The following ANKRD9 variants were observed in gnomAD, a reference collection of about 807,000 sequenced individuals.
The protein encoded by ANKRD9 is ankyrin repeat domain-containing protein 9.
ANKRD9 carries 13 observed loss-of-function variants against 19.2 expected under a neutral mutation model. The observed-to-expected ratio is 0.68, with a 90% confidence interval of 0.44 to 1.08. ANKRD9 has a LOEUF of 1.08. Among genes scored for constraint, ANKRD9 ranks in the 50% least tolerant of loss-of-function variants. ANKRD9 has a pLI of 0.00. For synonymous variants in ANKRD9, 278 were observed against 256.8 expected, an observed-to-expected ratio of 1.08 and a Z score of -0.79; for missense variants, 518 against 499.9, an observed-to-expected ratio of 1.04 and a Z score of -0.34.
chr14:102,507,198 A>G lies in ANKRD9; in HGVS notation c.692T>C (p.Leu231Pro). 1 of 1,314,760 alleles carries G rather than the reference A, an allele frequency of 7.6e-7. No individual in the cohort carries two copies. The highest frequency in any genetic ancestry group is 2.0e-5 in the South Asian group (1 of 50,358). 81.4% of individuals were successfully genotyped at this position (1,314,760 alleles called of 1,614,324 possible). A position where few individuals can be genotyped will look rare whatever the true frequency, so the allele number is the denominator to read the frequency against. Residue 231 changes from leucine (L) to proline (P), a missense_variant, in exon 4 of 4, where the codon CTG becomes CCG. Leu to Pro is a moderately conservative substitution (Grantham distance 98, BLOSUM62 -3). Transcript: ENST00000286918. This position sits in a 1 kb window ranked among gnomAD's most constrained non-coding sequence, Gnocchi z 9.2. ...GGTGTACAGCGCCAGGAGGTCCAGCAGCAGCAGGCGGCGCTGGCGCGGCTC... is the reference window on the plus strand; with the variant it reads ...GGTGTACAGCGCCAGGAGGTCCAGCGGCAGCAGGCGGCGCTGGCGCGGCTC... Reference protein sequence around the residue: ...PGEPRQRRLLLLDLLALYTPV... With the variant: ...PGEPRQRRLLPLDLLALYTPV...
In ANKRD9 at chr14:102,508,339, C is replaced by A. The variant is rs1891680006; in HGVS notation, c.-54+136G>T. 1 of 152,218 alleles carries A rather than the reference C, an allele frequency of 6.6e-6. No individual in the cohort carries two copies. Among genetic ancestry groups the A allele is most frequent in the Non-Finnish European group, 1.5e-5 (1 of 68,092 alleles). 9.4% of individuals were successfully genotyped at this position (152,218 alleles called of 1,614,324 possible). A position where few individuals can be genotyped will look rare whatever the true frequency, so the allele number is the denominator to read the frequency against. On this transcript the variant is annotated intron_variant, in intron 3 of 3. Coordinates refer to ENST00000286918, the MANE Select transcript of ANKRD9 (RefSeq NM_152326.4). The surrounding 1 kb of genome is among the most constrained non-coding windows in gnomAD (Gnocchi z 6.2). The stretch of plus-strand genomic sequence containing the variant: ...AGGGAGGGGATGAGAAAGCTTGGGC[C>A]CACATCTCAAGCTGAGGCAAATCCA...
chr14:102,507,173 G>A lies in ANKRD9; in HGVS notation c.717C>T (p.Thr239=), dbSNP rs1891622584. The A allele has an allele frequency of 7.9e-6, 11 of 1,397,092 alleles. No individual in the cohort carries two copies. The highest frequency in any genetic ancestry group is 3.3e-5 in the Admixed American group (1 of 30,352). 86.5% of individuals were successfully genotyped at this position (1,397,092 alleles called of 1,614,324 possible). A position where few individuals can be genotyped will look rare whatever the true frequency, so the allele number is the denominator to read the frequency against. The change falls in exon 4 of 4, where the codon ACC becomes ACT. Residue 239 remains threonine, a synonymous_variant. Transcript: ENST00000286918. The surrounding 1 kb of genome is among the most constrained non-coding windows in gnomAD (Gnocchi z 9.2). ...GGGCCGAGCCGGCGGCACCCACGGG[G>A]GTGTACAGCGCCAGGAGGTCCAGCA... ...LLLLDLLALY[T]PVGAAGSARQ...
chr14:102,507,466 C>G lies in ANKRD9; in HGVS notation c.424G>C (p.Glu142Gln). Residue 142 changes from glutamate to glutamine, a missense_variant, in exon 4 of 4, where the codon GAG (glutamate) becomes CAG (glutamine). Glu to Gln is a conservative substitution (Grantham distance 29, BLOSUM62 2). Transcript: ENST00000286918. The surrounding 1 kb of genome is among the most constrained non-coding windows in gnomAD (Gnocchi z 9.2). ...ILRTLRDFPA[E>Q]ERARVLDRRG... is the part of the protein sequence containing the mutation. ...CGGTCCAGCACGCGCGCCCGCTCCT[C>G]GGCCGGGAAGTCGCGCAAGGTGCGC... 1 of 1,398,968 alleles carries G rather than the reference C, an allele frequency of 7.1e-7. No homozygotes were observed. Among genetic ancestry groups the G allele is most frequent in the Non-Finnish European group, 9.3e-7 (1 of 1,073,064 alleles). The allele number at this position is 1,398,968 out of a possible 1,614,324, so 86.7% of individuals were successfully genotyped here. A position where few individuals can be genotyped will look rare whatever the true frequency, so the allele number is the denominator to read the frequency against.
rs1891450740 is a variant in ANKRD9, at chr14:102,502,069, C to T, written c.*4867G>A. ...AAACAGCCTGGCATTTGGGAACAGC[C>T]ATGTTAACGTGAGCAAATTCCTCTC... On this transcript the variant is annotated 3_prime_UTR_variant, in exon 4 of 4. Coordinates refer to ENST00000286918, the MANE Select transcript of ANKRD9 (RefSeq NM_152326.4). 6.6e-6 allele frequency: 1 copy of T among 152,268 alleles called. No homozygotes were observed. The highest frequency in any genetic ancestry group is 6.5e-5 in the Admixed American group (1 of 15,284). 9.4% of individuals were successfully genotyped at this position (152,268 alleles called of 1,614,324 possible).
chr14:102,507,047 G>C lies in ANKRD9; in HGVS notation c.843C>G (p.Arg281=). 2 of 1,575,536 alleles carry C rather than the reference G, an allele frequency of 1.3e-6. No individual in the cohort carries two copies. The highest frequency in any genetic ancestry group is 2.3e-5 in the East Asian group (1 of 42,736). Reference sequence around the variant, plus strand: ...TGGCGGTGACCAGCACCTGCATGGCGCGCGCGAAGAGCGAGGGCGGCGCCA... The same window carrying C: ...TGGCGGTGACCAGCACCTGCATGGCCCGCGCGAAGAGCGAGGGCGGCGCCA... The part of the protein sequence containing the change: ...AGLAPPSLFA[R]AMQVLVTAIS... Residue 281 remains arginine (R), a synonymous_variant, in exon 4 of 4, where the codon CGC becomes CGG. Coordinates refer to ENST00000286918, the MANE Select transcript of ANKRD9 (RefSeq NM_152326.4). This position sits in a 1 kb window ranked among gnomAD's most constrained non-coding sequence, Gnocchi z 9.2.
At position 102,507,511 on chromosome 14, in the gene ANKRD9, C is replaced by T. The variant is rs1220013919; in HGVS notation, c.379G>A (p.Gly127Ser). Residue 127 changes from glycine (G) to serine (S), a missense_variant, in exon 4 of 4, where the codon GGC becomes AGC. By Grantham distance (56) the Gly-to-Ser change is moderately conservative. Transcript: ENST00000286918. This position sits in a 1 kb window ranked among gnomAD's most constrained non-coding sequence, Gnocchi z 9.2. ...VALAVRYNRV[G>S]ILRRILRTLR... ...GTGCGCAGGATGCGGCGCAGAATGC[C>T]CACGCGGTTGTAGCGCACTGCCAGC... 3 of 1,366,006 alleles carry T rather than the reference C, an allele frequency of 2.2e-6. No homozygotes were observed. Among genetic ancestry groups the T allele is most frequent in the Non-Finnish European group, 2.8e-6 (3 of 1,058,190 alleles). The allele number at this position is 1,366,006 out of a possible 1,614,324, so 84.6% of individuals were successfully genotyped here. A position where few individuals can be genotyped will look rare whatever the true frequency, so the allele number is the denominator to read the frequency against.
chr14:102,507,519 T>C lies in ANKRD9; in HGVS notation c.371A>G (p.Asn124Ser). ...GATGCGGCGCAGAATGCCCACGCGG[T>C]TGTAGCGCACTGCCAGCGCCACGTG... ...GPHVALAVRY[N>S]RVGILRRILR... Residue 124 changes from asparagine to serine, a missense_variant, in exon 4 of 4, where the codon AAC becomes AGC. Coordinates refer to ENST00000286918, the MANE Select transcript of ANKRD9 (RefSeq NM_152326.4). This position sits in a 1 kb window ranked among gnomAD's most constrained non-coding sequence, Gnocchi z 9.2. 7.4e-7 allele frequency: 1 copy of C among 1,356,278 alleles called. No homozygotes were observed. Among genetic ancestry groups the C allele is most frequent in the East Asian group, 3.4e-5 (1 of 29,200 alleles). The allele number at this position is 1,356,278 out of a possible 1,614,324, so 84.0% of individuals were successfully genotyped here.
Position 102,507,338 on chromosome 14 carries a change from C to T in ANKRD9, c.552G>A (p.Ser184=), listed in dbSNP as rs1891634333. The part of the protein sequence containing the change: ...CLFLLLGHGA[S]PGLRDGGGLT... Reference sequence around the variant, plus strand: ...GGCCGCCGCCGTCCCGCAGACCGGGCGAGGCGCCGTGGCCCAGCAGCAGGA... The same window carrying T: ...GGCCGCCGCCGTCCCGCAGACCGGGTGAGGCGCCGTGGCCCAGCAGCAGGA... Residue 184 remains serine, a synonymous_variant, in exon 4 of 4, where the codon TCG becomes TCA. Coordinates refer to ENST00000286918, the MANE Select transcript of ANKRD9 (RefSeq NM_152326.4). The surrounding 1 kb of genome is among the most constrained non-coding windows in gnomAD (Gnocchi z 9.2). The T allele has an allele frequency of 2.3e-6, 3 of 1,312,678 alleles. No homozygotes were observed. The highest frequency in any genetic ancestry group is 2.9e-6 in the Non-Finnish European group (3 of 1,027,014). The allele number at this position is 1,312,678 out of a possible 1,614,324, so 81.3% of individuals were successfully genotyped here. A position where few individuals can be genotyped will look rare whatever the true frequency, so the allele number is the denominator to read the frequency against.
In ANKRD9 at chr14:102,508,005, C is replaced by G. The variant is rs947787145; in HGVS notation, c.-53-63G>C. ...AAACTGGGGAGGCCCGGGGACTCCC[C>G]TCTGCCCCTCACACAGCCCCTCCGG... is the stretch of plus-strand genomic sequence containing the variant. On this transcript the variant is annotated intron_variant, in intron 3 of 3. Transcript: ENST00000286918. The surrounding 1 kb of genome is among the most constrained non-coding windows in gnomAD (Gnocchi z 6.2). 4.8e-6 allele frequency: 5 copies of G among 1,032,274 alleles called. No homozygotes were observed. The African/African-American group carries it at 8.7e-5, about 18-fold the overall frequency. The allele number at this position is 1,032,274 out of a possible 1,614,324, so 63.9% of individuals were successfully genotyped here. A position where few individuals can be genotyped will look rare whatever the true frequency, so the allele number is the denominator to read the frequency against.
chr14:102,507,136 GC>G lies in ANKRD9; in HGVS notation c.753del (p.Leu252TrpfsTer72). The G allele has an allele frequency of 6.9e-7, 1 of 1,457,646 alleles. No homozygotes were observed. The highest frequency in any genetic ancestry group is 9.0e-7 in the Non-Finnish European group (1 of 1,112,866). The allele number at this position is 1,457,646 out of a possible 1,614,324, so 90.3% of individuals were successfully genotyped here. On this transcript the variant is annotated frameshift_variant, in exon 4 of 4. Transcript: ENST00000286918. LOFTEE classifies it high-confidence loss of function. The surrounding 1 kb of genome is among the most constrained non-coding windows in gnomAD (Gnocchi z 9.2). The stretch of plus-strand genomic sequence containing the variant: ...CGCTGCCAGCGCGGCCGGTCGCCCA[GC>G]AGCTCCTGGCGGGCCGAGCCGGCGG... ...VGAAGSARQE[L>X]LGDRPRWQRL...
At position 102,509,604 on chromosome 14, in the gene ANKRD9, G is replaced by A. The variant is rs1233056356; in HGVS notation, c.-410C>T. On this transcript the variant is annotated 5_prime_UTR_variant, in exon 1 of 4. Transcript: ENST00000286918. ...CCGGAGCGCGCGCTGTCCCCCGCGG[G>A]CGAGCGGGCAAAGGTCCCACGACGG... The A allele has an allele frequency of 6.8e-6, 1 of 146,026 alleles. No individual in the cohort carries two copies. The highest frequency in any genetic ancestry group is 1.5e-5 in the Non-Finnish European group (1 of 65,664). The allele number at this position is 146,026 out of a possible 1,614,324, so 9.0% of individuals were successfully genotyped here. A position where few individuals can be genotyped will look rare whatever the true frequency, so the allele number is the denominator to read the frequency against.
At position 102,508,543 on chromosome 14, in the gene ANKRD9, G is replaced by C. The variant is rs575722345; in HGVS notation, c.-122C>G. The C allele has an allele frequency of 1.3e-5, 2 of 152,230 alleles. No individual in the cohort carries two copies. Among genetic ancestry groups the C allele is most frequent in the Non-Finnish European group, 2.9e-5 (2 of 68,082 alleles). 9.4% of individuals were successfully genotyped at this position (152,230 alleles called of 1,614,324 possible). A position where few individuals can be genotyped will look rare whatever the true frequency, so the allele number is the denominator to read the frequency against. Reference sequence around the variant, plus strand: ...TATCACAGTCCCTGGCCGAGCCTCAGCTTTATCTGTAAGAAAGGGGAGGGG... The same window carrying C: ...TATCACAGTCCCTGGCCGAGCCTCACCTTTATCTGTAAGAAAGGGGAGGGG... On this transcript the variant is annotated 5_prime_UTR_variant, in exon 3 of 4. Coordinates refer to ENST00000286918, the MANE Select transcript of ANKRD9 (RefSeq NM_152326.4). This position sits in a 1 kb window ranked among gnomAD's most constrained non-coding sequence, Gnocchi z 6.2.
Position 102,506,903 on chromosome 14 carries a change from G to C in ANKRD9, c.*33C>G, listed in dbSNP as rs758165886. On this transcript the variant is annotated 3_prime_UTR_variant, in exon 4 of 4. Coordinates refer to ENST00000286918, the MANE Select transcript of ANKRD9 (RefSeq NM_152326.4). ...GTACAACGCTCTGAAAAATAGTTTT[G>C]TCCCAAAATCCAGCGCCTAGGGTGC... The C allele has an allele frequency of 1.4e-6, 2 of 1,430,418 alleles. No homozygotes were observed. Among genetic ancestry groups the C allele is most frequent in the Non-Finnish European group, 1.8e-6 (2 of 1,090,770 alleles). 88.6% of individuals were successfully genotyped at this position (1,430,418 alleles called of 1,614,324 possible).
In ANKRD9 at chr14:102,503,923, G is replaced by A. The variant is rs1891513105; in HGVS notation, c.*3013C>T. The stretch of plus-strand genomic sequence containing the variant: ...AAGTTGGTGAGGAAGTCGACAGAAG[G>A]GGAAGTCACAGTAGGAAAATCAAGG... On this transcript the variant is annotated 3_prime_UTR_variant, in exon 4 of 4. Transcript: ENST00000286918. 6.6e-6 allele frequency: 1 copy of A among 152,258 alleles called. No homozygotes were observed. Among genetic ancestry groups the A allele is most frequent in the Admixed American group, 6.5e-5 (1 of 15,282 alleles). 9.4% of individuals were successfully genotyped at this position (152,258 alleles called of 1,614,324 possible).
rs1891450218 is a variant in ANKRD9, at chr14:102,502,049, G to A, written c.*4887C>T. ...TTATAATTAGGAAACACTTAAAACA[G>A]CCTGGCATTTGGGAACAGCCATGTT... On this transcript the variant is annotated 3_prime_UTR_variant, in exon 4 of 4. Coordinates refer to ENST00000286918, the MANE Select transcript of ANKRD9 (RefSeq NM_152326.4). 6.6e-6 allele frequency: 1 copy of A among 152,238 alleles called. No individual in the cohort carries two copies. Among genetic ancestry groups the A allele is most frequent in the Admixed American group, 6.5e-5 (1 of 15,280 alleles). The allele number at this position is 152,238 out of a possible 1,614,324, so 9.4% of individuals were successfully genotyped here. A position where few individuals can be genotyped will look rare whatever the true frequency, so the allele number is the denominator to read the frequency against.
Position 102,507,504 on chromosome 14 carries a change from A to C in ANKRD9, c.386T>G (p.Leu129Arg). 7.3e-7 allele frequency: 1 copy of C among 1,373,092 alleles called. No homozygotes were observed. Among genetic ancestry groups the C allele is most frequent in the Non-Finnish European group, 9.4e-7 (1 of 1,061,498 alleles). The allele number at this position is 1,373,092 out of a possible 1,614,324, so 85.1% of individuals were successfully genotyped here. ...LAVRYNRVGILRRILRTLRDF... is the reference protein window; with the variant it reads ...LAVRYNRVGIRRRILRTLRDF... ...GCGCAAGGTGCGCAGGATGCGGCGCAGAATGCCCACGCGGTTGTAGCGCAC... is the reference window on the plus strand; with the variant it reads ...GCGCAAGGTGCGCAGGATGCGGCGCCGAATGCCCACGCGGTTGTAGCGCAC... The change falls in exon 4 of 4, where the codon CTG (leucine) becomes CGG (arginine). Residue 129 changes from leucine (L) to arginine (R), a missense_variant. By Grantham distance (102) the Leu-to-Arg change is moderately radical (BLOSUM62 -2). Transcript: ENST00000286918. This position sits in a 1 kb window ranked among gnomAD's most constrained non-coding sequence, Gnocchi z 9.2.
In ANKRD9 at chr14:102,501,841, A is replaced by C. The variant is rs1259494801; in HGVS notation, c.*5095T>G. 1 of 152,216 alleles carries C rather than the reference A, an allele frequency of 6.6e-6. No individual in the cohort carries two copies. The highest frequency in any genetic ancestry group is 1.9e-4 in the East Asian group (1 of 5,202). The allele number at this position is 152,216 out of a possible 1,614,324, so 9.4% of individuals were successfully genotyped here. A position where few individuals can be genotyped will look rare whatever the true frequency, so the allele number is the denominator to read the frequency against. On this transcript the variant is annotated 3_prime_UTR_variant, in exon 4 of 4. Coordinates refer to ENST00000286918, the MANE Select transcript of ANKRD9 (RefSeq NM_152326.4). Reference sequence around the variant, plus strand: ...GAGTGTAAGGGCCCTTCACAAAAGCAGAAGGAACACTGGCCCAAACCCCCA... The same window carrying C: ...GAGTGTAAGGGCCCTTCACAAAAGCCGAAGGAACACTGGCCCAAACCCCCA...
At position 102,505,406 on chromosome 14, in the gene ANKRD9, G is replaced by A. The variant is rs1321207171; in HGVS notation, c.*1530C>T. On this transcript the variant is annotated 3_prime_UTR_variant, in exon 4 of 4. Transcript: ENST00000286918. ...CAAGTGCCAAGGTTCAGAGGCACTGGTCCAGGACACACAGCAGCGGGGAAG... is the reference window on the plus strand; with the variant it reads ...CAAGTGCCAAGGTTCAGAGGCACTGATCCAGGACACACAGCAGCGGGGAAG... 1 of 152,296 alleles carries A rather than the reference G, an allele frequency of 6.6e-6. No homozygotes were observed. The highest frequency in any genetic ancestry group is 1.5e-5 in the Non-Finnish European group (1 of 68,104). 9.4% of individuals were successfully genotyped at this position (152,296 alleles called of 1,614,324 possible). A position where few individuals can be genotyped will look rare whatever the true frequency, so the allele number is the denominator to read the frequency against.
rs867729152 is a variant in ANKRD9 at position 102,507,730 on chromosome 14, G to A, written c.160C>T (p.Arg54Cys). 3 of 1,516,860 alleles carry A rather than the reference G, an allele frequency of 2.0e-6. No homozygotes were observed. Among genetic ancestry groups the A allele is most frequent in the Admixed American group, 2.0e-5 (1 of 50,556 alleles). 94.0% of individuals were successfully genotyped at this position (1,516,860 alleles called of 1,614,324 possible). Residue 54 changes from arginine to cysteine, a missense_variant, in exon 4 of 4, where the codon CGC becomes TGC. Physicochemically the swap from Arg to Cys is radical, Grantham distance 180 (BLOSUM62 -3). Coordinates refer to ENST00000286918, the MANE Select transcript of ANKRD9 (RefSeq NM_152326.4). This position sits in a 1 kb window ranked among gnomAD's most constrained non-coding sequence, Gnocchi z 9.2. ...TCCCAGTGGAAGGCCTCGCTGGCGC[G>A]CATATCCTCCAGCAGCCACACGGGT... ...LLPVWLLEDM[R>C]ASEAFHWDER...
Sources: allele counts gnomAD v4.1 joint callset, GRCh38; gene constraint gnomAD v4.1.1; non-coding constraint Gnocchi (gnomAD v3.1); transcripts MANE v1.5; gene names NCBI Gene and HGNC (gene_info 2026-07-23, HGNC 2026-07-21).